The following GAK variants were observed in gnomAD, a reference collection of about 807,000 sequenced individuals.
GAK encodes cyclin G associated kinase.
Under a neutral mutation model 143.9 loss-of-function variants are expected in GAK, and 79 were observed. The ratio of observed to expected loss-of-function variants is 0.55; its 90% CI spans 0.46 to 0.66. GAK has a LOEUF of 0.66. GAK is among the 30% of genes least tolerant of loss of function. The pLI, the probability that GAK is intolerant of heterozygous loss-of-function variation, is 0.00. For missense variants in GAK, 1,693 were observed against 1,779.7 expected (o/e 0.95, Z 0.88); for synonymous variants, 881 against 765.5 (o/e 1.15, Z -2.49).
intron 5 of GAK, among the ~76,000 whole-genome samples, chr4:902,596 C>CAAAAAACAAAAA (rs1720088913): frequency 1.6e-5 from 1 of 60,730 alleles, no homozygotes; most frequent in African/African-American, 8.2e-5. Flanking sequence ...GTGACTGACT[C>CAAAAAACAAAAA]AAAAAAAAAA....
rs563322493 is a variant in GAK, at chr4:879,405, GTTTCT to G, written c.1662-1601_1662-1597del. Among the ~76,000 whole-genome samples, 18 of 152,286 alleles carry G rather than the reference GTTTCT, an allele frequency of 1.2e-4. 1 individual carries two copies. The South Asian group carries it at 3.7e-3, about 32-fold the overall frequency. The stretch of plus-strand genomic sequence containing the variant: ...TTCCTACTTGTTTGATCTGTTCTTG[GTTTCT>G]TTTTTCTTCTTTTCGCCTTCTCTTG... On this transcript the variant is annotated intron_variant, in intron 15 of 27. Transcript: ENST00000314167.
intron 25 of GAK, 54 bp downstream of exon 25, chr4:851,696 C>T: frequency 1.3e-6 from 2 of 1,547,828 alleles, no homozygotes; most frequent in South Asian, 2.2e-5. Context: ...CTACCTTTAG[C>T]CAATTCAGGG....
chr4:870,900 C>A lies in GAK; in HGVS notation c.2059G>T (p.Asp687Tyr). The change falls in exon 19 of 28, where the codon GAC (aspartate) becomes TAC (tyrosine). Residue 687 changes from aspartate to tyrosine, a missense_variant. This residue lies in a region of GAK where 871 missense variants were observed against 991.0 expected (regional missense o/e 0.88). Coordinates refer to ENST00000314167, the MANE Select transcript of GAK (RefSeq NM_005255.4). ...TCTTGAATGTCACACGCGTCCAGGT[C>A]ATACCTGCGGTTACAAGTAGACACC... ...NATTVKFAKY[D>Y]LDACDIQEKY... 2 of 1,611,044 alleles carry A rather than the reference C, an allele frequency of 1.2e-6. No homozygotes were observed. Among genetic ancestry groups the A allele is most frequent in the South Asian group, 2.2e-5 (2 of 90,726 alleles).
chr4:892,388 C>G (rs1026603627), intron 9 of GAK, among the ~76,000 whole-genome samples: 1 of 152,238 alleles, frequency 6.6e-6, no homozygotes, highest in Non-Finnish European at 1.5e-5. Context: ...CCAGGGGCCT[C>G]CCTGCTCCCC....
At chr4:901,712 C>A (rs1719902709) in intron 5 of GAK, among the ~76,000 whole-genome samples, 1 of 152,222 alleles carries the variant, frequency 6.6e-6, no homozygotes, top group Non-Finnish European at 1.5e-5. Context: ...CAAGAGACGC[C>A]ACGGGGCTGG....
In GAK at chr4:883,443, C is replaced by A. The variant is rs746298733; in HGVS notation, c.1276G>T (p.Gly426Cys). 2.0e-5 allele frequency: 33 copies of A among 1,613,534 alleles called. No homozygotes were observed. Among genetic ancestry groups the A allele is most frequent in the Non-Finnish European group, 2.8e-5 (33 of 1,180,014 alleles). ...RIAVMSFPAE[G>C]VESALKNNIE... Reference sequence around the variant, plus strand: ...TTGTTTTTGAGCGCTGACTCCACACCTTCTGCTGGGAATGACATCACTGAA... The same window carrying A: ...TTGTTTTTGAGCGCTGACTCCACACATTCTGCTGGGAATGACATCACTGAA... Residue 426 changes from glycine (G) to cysteine (C), a missense_variant, in exon 13 of 28, where the codon GGT becomes TGT. Transcript: ENST00000314167.
At chr4:866,297 C>A in intron 22 of GAK, 67 bp downstream of exon 22, 1 of 1,500,416 alleles carries the variant, frequency 6.7e-7, no homozygotes. Flanking sequence ...GCTCTGTTTC[C>A]CACCAGAGGC....
intron 1 of GAK, among the ~76,000 whole-genome samples, chr4:914,465 T>C (rs1722681280): frequency 1.6e-5 from 1 of 63,904 alleles, no homozygotes; most frequent in African/African-American, 6.9e-5. Context: ...AGCCCCAGTG[T>C]GCACGGCCCC....
At chr4:882,849 G>T in intron 13 of GAK, 30 bp from the exon 14 acceptor site, 2 of 1,600,126 alleles carry the variant, frequency 1.2e-6, no homozygotes, top group South Asian at 2.2e-5. Flanking sequence ...TGGCACGGAC[G>T]GCAGAGGAGC....
At position 914,749 on chromosome 4, in the gene GAK, C is replaced by A. The variant is rs573112780; in HGVS notation, c.146-1081G>T. Among the ~76,000 whole-genome samples the A allele has an allele frequency of 3.1e-5, 4 of 130,130 alleles. No individual in the cohort carries two copies. The East Asian group carries it at 9.9e-4, about 32-fold the overall frequency. 85.4% of individuals were successfully genotyped at this position (130,130 alleles called of 152,430 possible). On this transcript the variant is annotated intron_variant, in intron 1 of 27. Transcript: ENST00000314167. ...CTCAGCCCCAGCGTGCAAGGCCCCA[C>A]ACACAGCCCCAGCATACACGGCCCC...
chr4:896,587 C>T (rs1718816574), intron 6 of GAK, 38 bp from the exon 7 acceptor site: 1 of 1,483,236 alleles, frequency 6.7e-7, no homozygotes, highest in Non-Finnish European at 9.4e-7. Flanking sequence ...AAAGTTGCAT[C>T]CCACAAACAG....
Position 912,804 on chromosome 4 carries a change from G to GA in GAK, c.208-11dup, listed in dbSNP as rs772091350. ...CATTGGATAATAGCCTCTGTATCAG[G>GA]AAACAGCACACACAAAAGATGAAAG... On this transcript the variant is annotated splice_polypyrimidine_tract_variant and intron_variant, in intron 2 of 27. Coordinates refer to ENST00000314167, the MANE Select transcript of GAK (RefSeq NM_005255.4). The GA allele has an allele frequency of 6.2e-7, 1 of 1,611,142 alleles. No homozygotes were observed. The highest frequency in any genetic ancestry group is 8.5e-7 in the Non-Finnish European group (1 of 1,178,234).
At chr4:880,512 C>A (rs1231180192) in intron 15 of GAK, among the ~76,000 whole-genome samples, 1 of 151,980 alleles carries the variant, frequency 6.6e-6, no homozygotes, top group Non-Finnish European at 1.5e-5. Context: ...ACTCTCCCAT[C>A]TGTCCTGTGG....
intron 15 of GAK, among the ~76,000 whole-genome samples, chr4:879,930 C>T (rs1240837585): frequency 6.6e-6 from 1 of 152,256 alleles, no homozygotes; most frequent in Non-Finnish European, 1.5e-5. Flanking sequence ...CGAAGGCGTT[C>T]TCATTTCGGG....
chr4:882,814 G>A lies in GAK; in HGVS notation c.1410C>T (p.Ser470=), dbSNP rs145448359. The stretch of plus-strand genomic sequence containing the variant: ...CCCGCCGTGCTGCCCAGCCACACTC[G>A]GAGACCTGTGGGGACAGGGCACGGT... The part of the protein sequence containing the change: ...YRPSRFHNRV[S]ECGWAARRAP... Residue 470 remains serine, a synonymous_variant, in exon 14 of 28, where the codon TCC becomes TCT. Coordinates refer to ENST00000314167, the MANE Select transcript of GAK (RefSeq NM_005255.4). 2.7e-5 allele frequency: 44 copies of A among 1,609,384 alleles called. No homozygotes were observed. Among genetic ancestry groups the A allele is most frequent in the African/African-American group, 2.7e-4 (20 of 74,860 alleles).
chr4:891,028 G>T (rs570063838), intron 9 of GAK, among the ~76,000 whole-genome samples: 1 of 150,924 alleles, frequency 6.6e-6, no homozygotes, highest in Non-Finnish European at 1.5e-5. Context: ...CACGATCTCA[G>T]CTCACCGCAA....
intron 11 of GAK, 46 bp from the exon 12 acceptor site, chr4:884,132 G>A (rs199764015): frequency 2.0e-5 from 31 of 1,553,672 alleles, no homozygotes; most frequent in African/African-American, 1.4e-4. Flanking sequence ...GAAACACTCC[G>A]CAGTTAGGTC....
At position 849,432 on chromosome 4, in the gene GAK, C is replaced by G; in HGVS notation, c.*241G>C. 1.8e-6 allele frequency: 1 copy of G among 557,704 alleles called. No homozygotes were observed. Among genetic ancestry groups the G allele is most frequent in the South Asian group, 2.2e-5 (1 of 44,586 alleles). The allele number at this position is 557,704 out of a possible 1,614,324, so 34.5% of individuals were successfully genotyped here. On this transcript the variant is annotated 3_prime_UTR_variant, in exon 28 of 28. Coordinates refer to ENST00000314167, the MANE Select transcript of GAK (RefSeq NM_005255.4). ...AACACCAAATAAATCACAGACGTGA[C>G]AATTGCGGGAGGAGCATGAATCAGC...
chr4:931,927 C>T (rs1725915270), intron 1 of GAK, 116 bp downstream of exon 1: 1 of 782,556 alleles, frequency 1.3e-6, no homozygotes, highest in Non-Finnish European at 2.1e-6. Flanking sequence ...CCCACGATCC[C>T]GCTGGGACCC....
Sources: allele counts gnomAD v4.1 joint callset (sites outside exome capture counted in the v4.1 genomes callset), GRCh38; gene constraint gnomAD v4.1.1; regional missense constraint gnomAD v4.1.1; transcripts MANE v1.5; gene names NCBI Gene and HGNC (gene_info 2026-07-23, HGNC 2026-07-21).